KBTBD12: variants seen among roughly 807,000 people sequenced by gnomAD.
The protein encoded by KBTBD12 is kelch repeat and BTB domain-containing protein 12.
In KBTBD12, 53 loss-of-function variants were observed where a neutral mutation model predicts 58.7. The observed-to-expected ratio is 0.90, with a 90% CI of 0.72 to 1.14. The LOEUF (loss-of-function observed/expected upper bound fraction) is 1.14. KBTBD12 is among the 50% of genes most tolerant of loss of function. KBTBD12 has a pLI of 0.00. For missense variants in KBTBD12, 704 were observed against 751.3 expected, an observed-to-expected ratio of 0.94 and a Z score of 0.74; for synonymous variants, 236 against 259.8, an observed-to-expected ratio of 0.91 and a Z score of 0.88.
At chr3:127,916,689 A>T (rs1490699199) in intron 1 of KBTBD12, among the ~76,000 whole-genome samples, 1 of 150,972 alleles carries the variant, frequency 6.6e-6, no homozygotes, top group Non-Finnish European at 1.5e-5. Context: ...TAATTTACCA[A>T]AAACAAAACA....
chr3:127,977,891 A>C (rs2107617134), intron 5 of KBTBD12, among the ~76,000 whole-genome samples: 1 of 152,168 alleles, frequency 6.6e-6, no homozygotes, highest in Admixed American at 6.5e-5. Flanking sequence ...TTTGTCATGA[A>C]ATTTTTGCTG....
chr3:127,982,195 G>A (rs1940885681), intron 5 of KBTBD12, among the ~76,000 whole-genome samples: 1 of 152,036 alleles, frequency 6.6e-6, no homozygotes, highest in Admixed American at 6.5e-5. Flanking sequence ...GGAGAGTCAG[G>A]GTATATTGTA....
At chr3:127,919,202 A>AT (rs200308096) in intron 1 of KBTBD12, among the ~76,000 whole-genome samples, 271 of 147,340 alleles carry the variant, frequency 1.8e-3, no homozygotes, top group Middle Eastern at 7.1e-3. Context: ...ACTATACTGA[A>AT]TTTTTTTTTT....
At chr3:127,946,121 G>A (rs4857883) in intron 4 of KBTBD12, among the ~76,000 whole-genome samples, 90,948 of 152,016 alleles carry the variant, frequency 0.6, 28,361 homozygotes, top group African/African-American at 0.78. Flanking sequence ...CCTTCCACCC[G>A]TTGTACTTTT....
At chr3:127,970,955 A>G (rs1050995701) in intron 5 of KBTBD12, among the ~76,000 whole-genome samples, 1 of 152,204 alleles carries the variant, frequency 6.6e-6, no homozygotes, top group African/African-American at 2.4e-5. Flanking sequence ...CTATACCTCA[A>G]TAAAGCTGTT....
At chr3:127,940,838 G>A (rs1939934647) in intron 4 of KBTBD12, among the ~76,000 whole-genome samples, 1 of 152,034 alleles carries the variant, frequency 6.6e-6, no homozygotes, top group Non-Finnish European at 1.5e-5. Context: ...GAGGAATACA[G>A]TACAGATTAC....
At chr3:127,981,425 C>T (rs1040562525) in intron 5 of KBTBD12, among the ~76,000 whole-genome samples, 2 of 152,168 alleles carry the variant, frequency 1.3e-5, no homozygotes, top group African/African-American at 4.8e-5. Flanking sequence ...TTATTATTAA[C>T]ATAACAGATT....
At chr3:127,965,965 G>C (rs1012761497) in intron 5 of KBTBD12, among the ~76,000 whole-genome samples, 1 of 152,172 alleles carries the variant, frequency 6.6e-6, no homozygotes, top group South Asian at 2.1e-4. Context: ...GGTAACTGTG[G>C]ACATTGAAAT....
chr3:127,929,260 T>C (rs1474697474), intron 3 of KBTBD12, among the ~76,000 whole-genome samples: 1 of 152,196 alleles, frequency 6.6e-6, no homozygotes, highest in Non-Finnish European at 1.5e-5. Context: ...AATTGCAAGA[T>C]CACACAGGGT....
At chr3:127,929,055 G>A (rs140598869) in intron 3 of KBTBD12, among the ~76,000 whole-genome samples, 9 of 152,172 alleles carry the variant, frequency 5.9e-5, no homozygotes, top group African/African-American at 2.2e-4. Context: ...AATTTTGCAT[G>A]CATAAGCCCC....
At chr3:127,960,683 A>G (rs1940421955) in intron 4 of KBTBD12, among the ~76,000 whole-genome samples, 1 of 152,222 alleles carries the variant, frequency 6.6e-6, no homozygotes, top group Non-Finnish European at 1.5e-5. Flanking sequence ...AGTGTACTTG[A>G]TGGTGGAATT....
intron 5 of KBTBD12, among the ~76,000 whole-genome samples, chr3:127,981,777 T>C (rs1940877197): frequency 6.6e-6 from 1 of 152,096 alleles, no homozygotes; most frequent in Non-Finnish European, 1.5e-5. Context: ...CCGTCTCTAA[T>C]AAAAATACAA....
intron 5 of KBTBD12, among the ~76,000 whole-genome samples, chr3:127,976,631 C>A (rs985768448): frequency 4.6e-5 from 7 of 152,164 alleles, no homozygotes; most frequent in Non-Finnish European, 7.3e-5. Context: ...AATTTCATCA[C>A]TGTGTAGTTA....
In KBTBD12 at chr3:127,930,241, C is replaced by A. The variant is rs201398581; in HGVS notation, c.1450C>A (p.Arg484=). The A allele has an allele frequency of 6.2e-7, 1 of 1,611,194 alleles. No individual in the cohort carries two copies. The highest frequency in any genetic ancestry group is 1.1e-5 in the South Asian group (1 of 90,546). Residue 484 remains arginine, a synonymous_variant, in exon 4 of 6, where the codon CGA becomes AGA. Coordinates refer to ENST00000405109, the MANE Select transcript of KBTBD12 (RefSeq NM_207335.4). ...VRAPMKYSKY[R]FSTAVVNSEI... is the part of the protein sequence containing the mutation. ...GGCACCCATGAAGTACTCTAAGTAC[C>A]GATTCAGTACAGCTGTAGTCAACAG... is the stretch of plus-strand genomic sequence containing the variant.
In KBTBD12 at chr3:127,984,226, G is replaced by A. The variant is rs751053641; in HGVS notation, c.1820G>A (p.Arg607Gln). ...TGCCTAGTAGCCAGGATGAATCCCC[G>A]AGACCTCATCCCCCCGCCTTCAGAT... ...DVCLVARMNP[R>Q]DLIPPPSDLV... The change falls in exon 6 of 6, where the codon CGA becomes CAA. Residue 607 changes from arginine (R) to glutamine (Q), a missense_variant. Arg to Gln is a conservative substitution (Grantham distance 43). Transcript: ENST00000405109. 2.0e-5 allele frequency: 33 copies of A among 1,613,906 alleles called. No individual in the cohort carries two copies. The highest frequency in any genetic ancestry group is 2.7e-5 in the African/African-American group (2 of 75,020).
chr3:127,969,842 A>G (rs1383149675), intron 5 of KBTBD12, among the ~76,000 whole-genome samples: 3 of 152,246 alleles, frequency 2.0e-5, no homozygotes, highest in Non-Finnish European at 2.9e-5. Flanking sequence ...AAATCTAAAC[A>G]TACAACCTAA....
chr3:127,920,599 C>T (rs578004782), intron 1 of KBTBD12, among the ~76,000 whole-genome samples: 8 of 151,988 alleles, frequency 5.3e-5, no homozygotes, highest in Admixed American at 3.3e-4. Context: ...GAGAAAGTAG[C>T]AACTTAAGCA....
chr3:127,986,636 C>T lies in KBTBD12; in HGVS notation c.*2358C>T, dbSNP rs891295622. 2 of 152,346 alleles carry T rather than the reference C, an allele frequency of 1.3e-5. No homozygotes were observed. The highest frequency in any genetic ancestry group is 4.8e-5 in the African/African-American group (2 of 41,410). The allele number at this position is 152,346 out of a possible 1,614,324, so 9.4% of individuals were successfully genotyped here. ...CCCAAGTAGCTGGGATTACAGGCGC[C>T]CACCACCACACCCAGCTAATTTTTG... On this transcript the variant is annotated 3_prime_UTR_variant, in exon 6 of 6. Transcript: ENST00000405109.
chr3:127,939,391 T>C (rs563588995), intron 4 of KBTBD12, among the ~76,000 whole-genome samples: 2 of 151,988 alleles, frequency 1.3e-5, no homozygotes, highest in Non-Finnish European at 2.9e-5. Context: ...AAGGGAACAT[T>C]TGGGAACTGA....
Sources: gnomAD v4.1 joint callset for allele counts (sites outside exome capture counted in the v4.1 genomes callset) on GRCh38, gnomAD v4.1.1 for gene constraint, MANE v1.5 for transcripts, NCBI Gene and HGNC (gene_info 2026-07-23, HGNC 2026-07-21) for gene names.